Variants in SLTM observed in about 807,000 individuals in gnomAD.
SLTM encodes SAFB-like transcription modulator.
In SLTM, 43 loss-of-function variants were observed where a neutral mutation model predicts 134.6. The ratio of observed to expected loss-of-function variants is 0.32; its 90% CI spans 0.25 to 0.41. The LOEUF (loss-of-function observed/expected upper bound fraction) is 0.41. Ranked by LOEUF, SLTM falls within the 10% of genes least tolerant of loss-of-function variation. The pLI is 1.00. For synonymous variants in SLTM, 424 were observed against 432.3 expected (o/e 0.98, Z 0.24); for missense variants, 1,055 against 1,288.8 (o/e 0.82, Z 2.78).
At chr15:58,925,909 A>C (rs748413927) in intron 2 of SLTM, among the ~76,000 whole-genome samples, 21 of 152,214 alleles carry the variant, frequency 1.4e-4, no homozygotes, top group Non-Finnish European at 2.9e-4. Flanking sequence ...GTGAGAATCA[A>C]ATAAAGCAAT....
intron 19 of SLTM, among the ~76,000 whole-genome samples, chr15:58,884,302 T>C (rs942654368): frequency 2.0e-5 from 3 of 151,990 alleles, no homozygotes; most frequent in Admixed American, 6.6e-5. Flanking sequence ...ATGGAGGAAA[T>C]GATTTAATAC....
intron 5 of SLTM, among the ~76,000 whole-genome samples, chr15:58,907,623 C>A (rs1196369079): frequency 1.0e-5 from 1 of 95,522 alleles, no homozygotes; most frequent in African/African-American, 3.8e-5. Context: ...CAGGTCTCAA[C>A]AACAACAACA....
chr15:58,913,740 T>C (rs1288666095), intron 3 of SLTM, 44 bp from the exon 4 acceptor site: 2 of 1,519,302 alleles, frequency 1.3e-6, no homozygotes, highest in Non-Finnish European at 1.8e-6. Flanking sequence ...GGCAAAGTAG[T>C]GTGGGCTATC....
intron 2 of SLTM, among the ~76,000 whole-genome samples, chr15:58,919,464 G>A (rs150973386): frequency 3.3e-5 from 5 of 152,126 alleles, no homozygotes; most frequent in East Asian, 1.9e-4. Flanking sequence ...GCTGGGTGTC[G>A]CGGTGTATGC....
At chr15:58,925,813 A>G (rs1266526632) in intron 2 of SLTM, among the ~76,000 whole-genome samples, 1 of 152,228 alleles carries the variant, frequency 6.6e-6, no homozygotes, top group Non-Finnish European at 1.5e-5. Flanking sequence ...AAGACTGTCA[A>G]AGGTAATTTA....
At chr15:58,924,831 C>A (rs75862467) in intron 2 of SLTM, among the ~76,000 whole-genome samples, 361 of 152,208 alleles carry the variant, frequency 2.4e-3, no homozygotes, top group African/African-American at 8.0e-3. Context: ...TAATTAGTTT[C>A]TTTTCTTTGA....
At position 58,888,510 on chromosome 15, in the gene SLTM, A is replaced by G. The variant is rs1177414443; in HGVS notation, c.2250T>C (p.Asp750=). The G allele has an allele frequency of 2.5e-6, 4 of 1,614,102 alleles. No individual in the cohort carries two copies. The South Asian group carries it at 4.4e-5, about 18-fold the overall frequency. ...ATCCATGGCCAAATCGTGCATCTGT[A>G]TCTAGAGACAACTTTTTATTCTCGC... ...YWSENKKLSL[D]TDARFGHGSD... is the part of the protein sequence containing the mutation. The change falls in exon 17 of 21, where the codon GAT becomes GAC. Residue 750 remains aspartate, a synonymous_variant. Transcript: ENST00000380516.
chr15:58,887,509 T>C lies in SLTM; in HGVS notation c.2407A>G (p.Lys803Glu), dbSNP rs2034318088. 6.2e-7 allele frequency: 1 copy of C among 1,612,926 alleles called. No homozygotes were observed. Residue 803 changes from lysine to glutamate, a missense_variant, in exon 18 of 21, where the codon AAA becomes GAA. Around this residue, in one of 3 missense-constraint regions of SLTM, gnomAD observed 776 missense variants for 962.2 expected, o/e 0.81. Transcript: ENST00000380516. ...RDRFVGQSEG[K>E]KARPTARRED... ...CTTCGTGCAGTAGGTCGTGCTTTTT[T>C]CCCCTCACTTTGACCAACAAAGCGA...
At chr15:58,893,210 G>A in intron 13 of SLTM, 69 bp downstream of exon 13, 1 of 1,468,790 alleles carries the variant, frequency 6.8e-7, no homozygotes, top group Non-Finnish European at 9.4e-7. Flanking sequence ...AGATGGTTAT[G>A]GAAAAACAGA....
At chr15:58,898,732 G>T (rs1023733622) in intron 8 of SLTM, 71 bp downstream of exon 8, 3 of 1,168,698 alleles carry the variant, frequency 2.6e-6, no homozygotes, top group Non-Finnish European at 3.8e-6. Context: ...AGAAAACACC[G>T]CGCAACTACT....
Position 58,933,600 on chromosome 15 carries a change from G to A in SLTM, c.-35C>T. 2 of 1,527,044 alleles carry A rather than the reference G, an allele frequency of 1.3e-6. No homozygotes were observed. Among genetic ancestry groups the A allele is most frequent in the Non-Finnish European group, 8.8e-7 (1 of 1,138,196 alleles). 94.6% of individuals were successfully genotyped at this position (1,527,044 alleles called of 1,614,324 possible). A position where few individuals can be genotyped will look rare whatever the true frequency, so the allele number is the denominator to read the frequency against. On this transcript the variant is annotated 5_prime_UTR_variant, in exon 1 of 21. Transcript: ENST00000380516. ...GCAGCGCGCTGCCGAGGCAGCGAGT[G>A]GGCTGCAGGGCGGCGGCAGCAGCGC...
intron 12 of SLTM, among the ~76,000 whole-genome samples, 176 bp downstream of exon 12, chr15:58,893,645 G>C (rs1488143959): frequency 6.6e-6 from 1 of 152,134 alleles, no homozygotes; most frequent in Non-Finnish European, 1.5e-5. Flanking sequence ...GAATACATTT[G>C]TTTGTTTCCC....
At chr15:58,912,725 TACCATGGGTACTAA>T in intron 4 of SLTM, 115 bp from the exon 5 acceptor site, 6 of 780,560 alleles carry the variant, frequency 7.7e-6, no homozygotes, top group Non-Finnish European at 1.3e-5. Context: ...ATATCTGCGA[TACCATGGGTACTAA>T]ATCAATGCTT....
chr15:58,897,029 G>C (rs1457209517), intron 9 of SLTM, 86 bp downstream of exon 9: 3 of 779,512 alleles, frequency 3.8e-6, no homozygotes, highest in African/African-American at 3.5e-5. Context: ...TAAATTAGAA[G>C]ATATTCATGT....
chr15:58,890,569 C>T (rs1038348704), intron 14 of SLTM, 108 bp from the exon 15 acceptor site: 2 of 1,118,494 alleles, frequency 1.8e-6, no homozygotes, highest in South Asian at 1.7e-5. Context: ...TAAATTTCAA[C>T]TCAATCTAAG....
At chr15:58,910,370 G>A (rs185749171) in intron 5 of SLTM, among the ~76,000 whole-genome samples, 3 of 152,276 alleles carry the variant, frequency 2.0e-5, no homozygotes, top group Admixed American at 2.0e-4. Flanking sequence ...TATGTTTCTA[G>A]ATGTTCCACT....
Position 58,897,154 on chromosome 15 carries a change from T to A in SLTM, c.1188A>T (p.Lys396Asn), listed in dbSNP as rs1431603407. The change falls in exon 9 of 21, where the codon AAA (lysine) becomes AAT (asparagine). Residue 396 changes from lysine (K) to asparagine (N), a missense_variant. By Grantham distance (94) the Lys-to-Asn change is moderately conservative (BLOSUM62 0). Coordinates refer to ENST00000380516, the MANE Select transcript of SLTM (RefSeq NM_024755.4). Reference sequence around the variant, plus strand: ...CAAAGAGGTTCTTCAAATCAGCAGCTTTGGTATTAGATGAAAGTCCACTAA... The same window carrying A: ...CAAAGAGGTTCTTCAAATCAGCAGCATTGGTATTAGATGAAAGTCCACTAA... ...IWVSGLSSNT[K>N]AADLKNLFGK... 6.2e-7 allele frequency: 1 copy of A among 1,613,324 alleles called. No homozygotes were observed.
intron 2 of SLTM, chr15:58,921,477 G>C (rs2037040563): frequency 3.9e-6 from 1 of 254,820 alleles, no homozygotes; most frequent in East Asian, 1.2e-4. Flanking sequence ...CAGGCAACAA[G>C]AGGCAGCACT....
chr15:58,917,808 G>T (rs1249887750), intron 2 of SLTM, among the ~76,000 whole-genome samples: 1 of 151,982 alleles, frequency 6.6e-6, no homozygotes, highest in Non-Finnish European at 1.5e-5. Context: ...GGAATGCAGT[G>T]GCGCAATCTC....
Sources: gnomAD v4.1 joint callset for allele counts (sites outside exome capture counted in the v4.1 genomes callset) on GRCh38, gnomAD v4.1.1 for gene constraint, gnomAD v4.1.1 regional missense constraint, MANE v1.5 for transcripts, NCBI Gene and HGNC (gene_info 2026-07-23, HGNC 2026-07-21) for gene names.